Variants in MSN observed in about 807,000 individuals in gnomAD.
MSN encodes moesin.
Under a neutral mutation model 48.0 loss-of-function variants are expected in MSN, and 2 were observed. That is an observed-to-expected ratio of 0.04 (90% confidence interval 0.02 to 0.13). The LOEUF is 0.13. Among genes scored for constraint, MSN ranks in the 10% least tolerant of loss-of-function variants. The pLI is 1.00. For synonymous variants in MSN, 146 were observed against 166.9 expected (o/e 0.87, Z 0.97); for missense variants, 267 against 470.1 (o/e 0.57, Z 3.99).
chrX:65,690,855 C>T (rs769654849), intron 1 of MSN, among the ~76,000 whole-genome samples: 47 of 111,735 alleles, frequency 4.2e-4, no homozygotes, highest in Non-Finnish European at 8.3e-4. Flanking sequence ...ATCAAGCTCT[C>T]GCGCATATTG....
At chrX:65,648,294 T>TTTGG (rs2148373254) in intron 1 of MSN, among the ~76,000 whole-genome samples, 1 of 112,349 alleles carries the variant, frequency 8.9e-6, no homozygotes, top group South Asian at 3.7e-4. Context: ...GGCTCACGCC[T>TTTGG]GTAATCCCAG....
At chrX:65,726,037 C>T (rs1269650952) in intron 2 of MSN, among the ~76,000 whole-genome samples, 1 of 111,643 alleles carries the variant, frequency 9.0e-6, no homozygotes, top group African/African-American at 3.3e-5. Context: ...CTCAGGTTTC[C>T]TGATACTTGA....
chrX:65,704,879 C>A (rs1356356762), intron 1 of MSN, among the ~76,000 whole-genome samples: 1 of 108,042 alleles, frequency 9.3e-6, no homozygotes, highest in African/African-American at 3.4e-5. Flanking sequence ...AAGCAATTTT[C>A]CTGTCTCAGC....
At chrX:65,670,902 A>T (rs1260979484) in intron 1 of MSN, among the ~76,000 whole-genome samples, 4 of 1,880 alleles carry the variant, frequency 2.1e-3, no homozygotes, top group Admixed American at 0.017. Context: ...ACAGTTATAT[A>T]TATATATATA....
rs375381171 is a variant in MSN, at chrX:65,735,273, G to A, written c.802G>A (p.Val268Ile). The part of the protein sequence containing the change: ...KPIDKKAPDF[V>I]FYAPRLRINK... ...ATTGCTGATTTCCCACCAGGACTTCGTCTTCTATGCTCCCCGGCTGCGGAT... is the reference window on the plus strand; with the variant it reads ...ATTGCTGATTTCCCACCAGGACTTCATCTTCTATGCTCCCCGGCTGCGGAT... Residue 268 changes from valine to isoleucine, a missense_variant, in exon 8 of 13, where the codon GTC (valine) becomes ATC (isoleucine). Around this residue, in one of 5 missense-constraint regions of MSN, gnomAD observed 58 missense variants for 104.6 expected, o/e 0.55. Transcript: ENST00000360270. 4.5e-5 allele frequency: 54 copies of A among 1,207,890 alleles called. No homozygotes were observed. The highest frequency in any genetic ancestry group is 1.4e-4 in the South Asian group (8 of 56,611).
intron 2 of MSN, among the ~76,000 whole-genome samples, chrX:65,723,220 A>G (rs2071534788): frequency 8.9e-6 from 1 of 111,929 alleles, no homozygotes; most frequent in Non-Finnish European, 1.9e-5. Flanking sequence ...AATGTGGTTT[A>G]GTATTCTAGA....
intron 2 of MSN, 127 bp downstream of exon 2, chrX:65,717,028 G>A: frequency 1.7e-6 from 1 of 602,019 alleles, no homozygotes; most frequent in Non-Finnish European, 2.6e-6. Context: ...AGATCAAAAT[G>A]AAGGCTGATT....
At chrX:65,627,739 G>T (rs2070519684) in intron 1 of MSN, among the ~76,000 whole-genome samples, 2 of 111,300 alleles carry the variant, frequency 1.8e-5, no homozygotes, top group Admixed American at 9.6e-5. Flanking sequence ...ACTCATTTCA[G>T]CATTAACCCA....
chrX:65,657,511 T>C (rs1487792006), intron 1 of MSN, among the ~76,000 whole-genome samples: 1 of 111,542 alleles, frequency 9.0e-6, no homozygotes, highest in African/African-American at 3.3e-5. Context: ...AATTTCATAT[T>C]CCAAGAGGAT....
intron 8 of MSN, 81 bp downstream of exon 8, chrX:65,735,511 C>T: frequency 9.6e-7 from 1 of 1,038,369 alleles, no homozygotes; most frequent in South Asian, 2.3e-5. Context: ...TAAGTCAGGA[C>T]ATGAGGCCAA....
At chrX:65,698,189 T>G (rs1161493538) in intron 1 of MSN, among the ~76,000 whole-genome samples, 1 of 111,458 alleles carries the variant, frequency 9.0e-6, no homozygotes, top group Non-Finnish European at 1.9e-5. Context: ...CATGAAGAGC[T>G]CCTGTATTCT....
intron 1 of MSN, among the ~76,000 whole-genome samples, chrX:65,600,031 G>A (rs950257909): frequency 3.8e-4 from 42 of 109,647 alleles, no homozygotes; most frequent in African/African-American, 1.2e-3. Flanking sequence ...AGAATCTGAT[G>A]TGGTGTGGTG....
chrX:65,733,360 C>T (rs968212695), intron 7 of MSN, 80 bp downstream of exon 7: 1 of 804,808 alleles, frequency 1.2e-6, no homozygotes, highest in South Asian at 2.2e-5. Context: ...CTATTTTTCT[C>T]TTCCTTTTCT....
chrX:65,696,429 T>G (rs1227737605), intron 1 of MSN, among the ~76,000 whole-genome samples: 1 of 111,875 alleles, frequency 8.9e-6, no homozygotes, highest in Non-Finnish European at 1.9e-5. Flanking sequence ...TAGTAGATTT[T>G]TAGGGTTTGC....
intron 1 of MSN, among the ~76,000 whole-genome samples, chrX:65,648,516 G>A (rs895793734): frequency 2.7e-5 from 3 of 110,920 alleles, no homozygotes; most frequent in African/African-American, 9.9e-5. Flanking sequence ...TCGTGCCACT[G>A]CACTCCAGCC....
intron 1 of MSN, among the ~76,000 whole-genome samples, chrX:65,626,677 A>C (rs1204686332): frequency 9.3e-6 from 1 of 107,253 alleles, no homozygotes; most frequent in South Asian, 4.0e-4. Flanking sequence ...CTGCTGAAAA[A>C]CCCCCAAATC....
At chrX:65,654,108 T>TC (rs2070763459) in intron 1 of MSN, among the ~76,000 whole-genome samples, 1 of 91,575 alleles carries the variant, frequency 1.1e-5, no homozygotes. Flanking sequence ...CCCTTCTTTT[T>TC]TTTTTTTTTT....
chrX:65,691,057 C>A (rs557099230), intron 1 of MSN, among the ~76,000 whole-genome samples: 1 of 110,987 alleles, frequency 9.0e-6, no homozygotes, highest in South Asian at 3.9e-4. Context: ...TCTTTTCTCT[C>A]GCCAGTATCA....
intron 1 of MSN, among the ~76,000 whole-genome samples, chrX:65,673,913 A>G (rs952251956): frequency 2.7e-5 from 3 of 111,412 alleles, no homozygotes; most frequent in South Asian, 3.7e-4. Context: ...GTGAATGCCT[A>G]CCTTCTAAAT....
Sources: allele counts gnomAD v4.1 joint callset (sites outside exome capture counted in the v4.1 genomes callset), GRCh38; gene constraint gnomAD v4.1.1; regional missense constraint gnomAD v4.1.1; transcripts MANE v1.5; gene names NCBI Gene and HGNC (gene_info 2026-07-23, HGNC 2026-07-21).